Variants in P2RY14 observed in about 807,000 individuals in gnomAD.
P2RY14 encodes P2Y purinoceptor 14.
Under a neutral mutation model 0.9 loss-of-function variants are expected in P2RY14, and 2 were observed. The ratio of observed to expected loss-of-function variants is 2.16; its 90% CI spans 0.88 to 6.79. P2RY14 has a LOEUF of 6.79. Among genes scored for constraint, P2RY14 ranks in the 30% most tolerant of loss-of-function variants. P2RY14 has a pLI of 0.05. For synonymous variants in P2RY14, 158 were observed against 147.2 expected, an observed-to-expected ratio of 1.07 and a Z score of -0.53; for missense variants, 378 against 400.1, an observed-to-expected ratio of 0.94 and a Z score of 0.47.
At position 151,214,204 on chromosome 3, in the gene P2RY14, A is replaced by G. The variant is rs1165110806; in HGVS notation, c.113T>C (p.Leu38Pro). Residue 38 changes from leucine to proline, a missense_variant, in exon 3 of 3, where the codon CTA becomes CCA. Coordinates refer to ENST00000309170, the MANE Select transcript of P2RY14 (RefSeq NM_014879.4). ...LYCMVFIAGI[L>P]LNGVSGWIFF... The stretch of plus-strand genomic sequence containing the variant: ...TATCCATCCTGACACTCCATTGAGT[A>G]GGATTCCTGCAATGAAGACCATACA... 1 of 1,613,848 alleles carries G rather than the reference A, an allele frequency of 6.2e-7. No individual in the cohort carries two copies. Among genetic ancestry groups the G allele is most frequent in the African/African-American group, 1.3e-5 (1 of 74,924 alleles).
At position 151,213,982 on chromosome 3, in the gene P2RY14, A is replaced by G; in HGVS notation, c.335T>C (p.Phe112Ser). The G allele has an allele frequency of 5.6e-6, 9 of 1,614,164 alleles. No homozygotes were observed. Among genetic ancestry groups the G allele is most frequent in the Non-Finnish European group, 7.6e-6 (9 of 1,180,008 alleles). ...ATATCTGTCAAAGCTGATGAGCCCA[A>G]AGAACACAATGCTGACGTACATGTT... is the stretch of plus-strand genomic sequence containing the variant. ...YVNMYVSIVFFGLISFDRYYK... is the reference protein window; with the variant it reads ...YVNMYVSIVFSGLISFDRYYK... Residue 112 changes from phenylalanine to serine, a missense_variant, in exon 3 of 3, where the codon TTT (phenylalanine) becomes TCT (serine). Phe to Ser is a radical substitution (Grantham distance 155). Transcript: ENST00000309170.
At chr3:151,274,674 C>T (rs1396689613) in intron 1 of P2RY14, among the ~76,000 whole-genome samples, 1 of 152,150 alleles carries the variant, frequency 6.6e-6, no homozygotes, top group Non-Finnish European at 1.5e-5. Flanking sequence ...AGATTAGAAT[C>T]GTCTCCAAAT....
chr3:151,228,801 T>TA (rs1454722737), intron 1 of P2RY14, among the ~76,000 whole-genome samples: 1 of 152,218 alleles, frequency 6.6e-6, no homozygotes, highest in Non-Finnish European at 1.5e-5. Flanking sequence ...CTCCTGGAAC[T>TA]AGGTTGAGCT....
intron 1 of P2RY14, among the ~76,000 whole-genome samples, chr3:151,225,611 C>T (rs1232836350): frequency 6.6e-6 from 1 of 152,196 alleles, no homozygotes; most frequent in Non-Finnish European, 1.5e-5. Flanking sequence ...CAAACCGTAG[C>T]AGCTTTCTGT....
At chr3:151,220,471 G>A (rs1490490046) in intron 1 of P2RY14, among the ~76,000 whole-genome samples, 3 of 152,136 alleles carry the variant, frequency 2.0e-5, no homozygotes, top group African/African-American at 7.2e-5. Context: ...CACGTGATAT[G>A]GTTTGGCTCT....
intron 1 of P2RY14, among the ~76,000 whole-genome samples, chr3:151,263,046 C>T (rs925591603): frequency 3.3e-5 from 5 of 151,960 alleles, no homozygotes; most frequent in African/African-American, 1.2e-4. Context: ...ATGACTGTCG[C>T]GTGGGGTGGC....
At position 151,227,422 on chromosome 3, in the gene P2RY14, G is replaced by GA. The variant is rs1355942023; in HGVS notation, c.-132-7781_-132-7780insT. ...TGATTATGTGTGAGAATGGTAAGGGGGGACGGATTAGGTTGGATTTATAAA... is the reference window on the plus strand; with the variant it reads ...TGATTATGTGTGAGAATGGTAAGGGGAGGACGGATTAGGTTGGATTTATAAA... On this transcript the variant is annotated intron_variant, in intron 1 of 2. Transcript: ENST00000309170. 2.0e-5 allele frequency among the ~76,000 whole-genome samples: 3 copies of GA among 152,192 alleles called. No homozygotes were observed. In the East Asian group the frequency reaches 5.8e-4, roughly 29 times the overall value.
chr3:151,270,200 T>TGTGTGG (rs1266972041), intron 1 of P2RY14: 2 of 133,726 alleles, frequency 1.5e-5, no homozygotes, highest in East Asian at 5.2e-4. Context: ...AGCTGTCGTG[T>TGTGTGG]GTGTGTGTGT....
chr3:151,244,568 G>C (rs563793987), intron 1 of P2RY14, among the ~76,000 whole-genome samples: 2 of 151,278 alleles, frequency 1.3e-5, no homozygotes, highest in African/African-American at 4.8e-5. Flanking sequence ...TTTGAAACCA[G>C]TGAGAACAAA....
intron 1 of P2RY14, among the ~76,000 whole-genome samples, chr3:151,274,559 A>G (rs1163267269): frequency 2.0e-5 from 3 of 152,246 alleles, no homozygotes; most frequent in Non-Finnish European, 2.9e-5. Context: ...TGAACTAAGT[A>G]TCATTTTTCA....
intron 1 of P2RY14, among the ~76,000 whole-genome samples, chr3:151,220,112 T>C (rs1223765474): frequency 6.7e-6 from 1 of 148,338 alleles, no homozygotes; most frequent in Non-Finnish European, 1.5e-5. Flanking sequence ...CAGTTCTGAC[T>C]TCTGCCTACT....
chr3:151,238,844 A>G (rs1269620768), intron 1 of P2RY14, among the ~76,000 whole-genome samples: 1 of 152,250 alleles, frequency 6.6e-6, no homozygotes, highest in Non-Finnish European at 1.5e-5. Flanking sequence ...GTCTAGAGGA[A>G]TGAACACTTG....
In P2RY14 at chr3:151,245,171, G is replaced by C. The variant is rs559431080; in HGVS notation, c.-132-25529C>G. On this transcript the variant is annotated intron_variant, in intron 1 of 2. Coordinates refer to ENST00000309170, the MANE Select transcript of P2RY14 (RefSeq NM_014879.4). ...GAGTCCAGGACCAGATGGATTCACA[G>C]CTGAATTCTACCAGAGGTATAAGGA... Among the ~76,000 whole-genome samples, 6 of 152,302 alleles carry C rather than the reference G, an allele frequency of 3.9e-5. No individual in the cohort carries two copies. The South Asian group carries it at 1.2e-3, about 32-fold the overall frequency.
chr3:151,223,085 A>G (rs577011382), intron 1 of P2RY14, among the ~76,000 whole-genome samples: 1 of 152,120 alleles, frequency 6.6e-6, no homozygotes, highest in South Asian at 2.1e-4. Flanking sequence ...ATGGAGTAAT[A>G]ATCTCAGTGG....
chr3:151,242,452 G>A (rs1272808669), intron 1 of P2RY14, among the ~76,000 whole-genome samples: 1 of 151,844 alleles, frequency 6.6e-6, no homozygotes, highest in Non-Finnish European at 1.5e-5. Context: ...GCCTCCTCAA[G>A]TGGGTCCCTG....
chr3:151,264,659 C>G (rs945645639), intron 1 of P2RY14, among the ~76,000 whole-genome samples: 1 of 152,192 alleles, frequency 6.6e-6, no homozygotes, highest in Non-Finnish European at 1.5e-5. Context: ...GGAGCAGGAG[C>G]CTCCTGTGAC....
chr3:151,212,995 T>G lies in P2RY14; in HGVS notation c.*305A>C, dbSNP rs375300755. The stretch of plus-strand genomic sequence containing the variant: ...TTATTTACTATTTAAATTTCTACAT[T>G]AACTGACCAGACTAGTGGTTATAAA... On this transcript the variant is annotated 3_prime_UTR_variant, in exon 3 of 3. Coordinates refer to ENST00000309170, the MANE Select transcript of P2RY14 (RefSeq NM_014879.4). The G allele has an allele frequency of 1.2e-5, 2 of 168,892 alleles. No individual in the cohort carries two copies. The highest frequency in any genetic ancestry group is 4.8e-5 in the African/African-American group (2 of 42,030). The allele number at this position is 168,892 out of a possible 1,614,324, so 10.5% of individuals were successfully genotyped here.
At chr3:151,243,845 C>A (rs1422852516) in intron 1 of P2RY14, among the ~76,000 whole-genome samples, 1 of 150,820 alleles carries the variant, frequency 6.6e-6, no homozygotes, top group African/African-American at 2.4e-5. Flanking sequence ...AGTCAAGACC[C>A]ATCAGTGTGC....
chr3:151,253,780 CT>C (rs201085441), intron 1 of P2RY14, among the ~76,000 whole-genome samples: 1,886 of 152,238 alleles, frequency 0.012, 23 homozygotes, highest in East Asian at 0.056. Flanking sequence ...TATTGCCAGG[CT>C]GTCCAGGATT....
Sources: gnomAD v4.1 joint callset for allele counts (sites outside exome capture counted in the v4.1 genomes callset) on GRCh38, gnomAD v4.1.1 for gene constraint, MANE v1.5 for transcripts, NCBI Gene and HGNC (gene_info 2026-07-23, HGNC 2026-07-21) for gene names.